Variants in PKD1L1 observed in about 807,000 individuals in gnomAD.
PKD1L1 encodes polycystin-1-like protein 1.
A neutral mutation model predicts 323.4 loss-of-function variants in PKD1L1; 236 were observed. That is an observed-to-expected ratio of 0.73 (90% CI 0.66 to 0.81). The LOEUF is 0.81. Ranked by LOEUF, PKD1L1 falls within the 40% of genes least tolerant of loss-of-function variation. PKD1L1 has a pLI of 0.00. For missense variants in PKD1L1, 3,320 were observed against 3,508.0 expected, an observed-to-expected ratio of 0.95 and a Z score of 1.35; for synonymous variants, 1,344 against 1,335.0, an observed-to-expected ratio of 1.01 and a Z score of -0.15.
At chr7:47,781,409 GTTT>G (rs60759497) in intron 56 of PKD1L1, among the ~76,000 whole-genome samples, 1 of 71,772 alleles carries the variant, frequency 1.4e-5, no homozygotes. Flanking sequence ...GTTTTGTTTT[GTTT>G]TTTTTTTTTT....
At chr7:47,951,910 G>A (rs1788210340), upstream of PKD1L1, among the ~76,000 whole-genome samples, 2 of 152,064 alleles carry the variant, frequency 1.3e-5, no homozygotes, top group South Asian at 4.2e-4. Context: ...ACCTCCAAAT[G>A]GAGCTTCCCG....
At position 47,817,230 on chromosome 7, in the gene PKD1L1, A is replaced by AAAACAAAC. The variant is rs566520119; in HGVS notation, c.6966-1781_6966-1774dup. 8.6e-4 allele frequency among the ~76,000 whole-genome samples: 131 copies of AAAACAAAC among 152,146 alleles called. 1 individual carries two copies. The highest frequency in any genetic ancestry group is 3.1e-3 in the African/African-American group (127 of 41,494). ...TCAGTGACAGAGTGAGACTTCATCT[A>AAAACAAAC]AAACAAACAAACAAACAAACAAAAA... On this transcript the variant is annotated intron_variant, in intron 46 of 56. Coordinates refer to ENST00000289672, the MANE Select transcript of PKD1L1 (RefSeq NM_138295.5).
intron 14 of PKD1L1, among the ~76,000 whole-genome samples, chr7:47,896,247 T>G (rs1254442151): frequency 6.8e-6 from 1 of 146,614 alleles, no homozygotes; most frequent in African/African-American, 2.6e-5. Context: ...AAGGATCACT[T>G]GAGCCCAGGA....
chr7:47,777,415 C>T (rs1198805100), intron 56 of PKD1L1, among the ~76,000 whole-genome samples: 1 of 152,152 alleles, frequency 6.6e-6, no homozygotes, highest in Non-Finnish European at 1.5e-5. Context: ...TATCCTGCAA[C>T]CAAGCAGGGT....
chr7:47,804,469 A>ATAT (rs1784733245), intron 52 of PKD1L1, among the ~76,000 whole-genome samples: 1 of 123,044 alleles, frequency 8.1e-6, no homozygotes, highest in Non-Finnish European at 1.6e-5. Context: ...TACATTTTTA[A>ATAT]TTTTTTTTTT....
chr7:47,958,341 A>G, the PKD1L1 span, among the ~76,000 whole-genome samples: 2 of 152,224 alleles, frequency 1.3e-5, no homozygotes, highest in Non-Finnish European at 2.9e-5. Flanking sequence ...TATTGAAAAG[A>G]AAGTACAGTC....
intron 42 of PKD1L1, 136 bp downstream of exon 42, chr7:47,831,081 G>A: frequency 1.6e-6 from 2 of 1,221,460 alleles, no homozygotes; most frequent in Non-Finnish European, 2.3e-6. Flanking sequence ...ATGGGAGGGA[G>A]AAATGAGGGA....
At chr7:47,805,275 T>A (rs1413491962) in intron 52 of PKD1L1, among the ~76,000 whole-genome samples, 1 of 152,266 alleles carries the variant, frequency 6.6e-6, no homozygotes, top group Non-Finnish European at 1.5e-5. Flanking sequence ...CATTTTCATT[T>A]TCACACACTC....
chr7:47,939,545 G>A (rs906152743), intron 3 of PKD1L1, among the ~76,000 whole-genome samples: 5 of 152,070 alleles, frequency 3.3e-5, no homozygotes, highest in Non-Finnish European at 7.4e-5. Context: ...CTCCTCTCAC[G>A]CTTCTCCTCC....
intron 11 of PKD1L1, 123 bp downstream of exon 11, chr7:47,905,034 G>C (rs1487350364): frequency 9.5e-7 from 1 of 1,053,022 alleles, no homozygotes; most frequent in Admixed American, 2.6e-5. Flanking sequence ...GAAGGACCTA[G>C]TGGCCCATTA....
Position 47,914,716 on chromosome 7 carries a change from C to T in PKD1L1, c.1228+716G>A, listed in dbSNP as rs150009857. Among the ~76,000 whole-genome samples, 10 of 152,254 alleles carry T rather than the reference C, an allele frequency of 6.6e-5. No individual in the cohort carries two copies. The East Asian group carries it at 1.9e-3, about 29-fold the overall frequency. On this transcript the variant is annotated intron_variant, in intron 8 of 56. Transcript: ENST00000289672. ...CCTCTCCATCTGTTTTCCTTTCTCT[C>T]CCCTTCCTCCCTCTCTTTCTCTCTC...
intron 22 of PKD1L1, among the ~76,000 whole-genome samples, chr7:47,876,842 C>T (rs1214934907): frequency 5.9e-5 from 9 of 152,164 alleles, no homozygotes; most frequent in Admixed American, 5.2e-4. Flanking sequence ...TGCAATGGCG[C>T]GATCTCGGCT....
At position 47,840,269 on chromosome 7, in the gene PKD1L1, C is replaced by T. The variant is rs533033819; in HGVS notation, c.5552+192G>A. 3.3e-5 allele frequency among the ~76,000 whole-genome samples: 5 copies of T among 152,234 alleles called. No individual in the cohort carries two copies. Among genetic ancestry groups the T allele is most frequent in the East Asian group, 1.9e-4 (1 of 5,184 alleles). ...CCCCACCCTCCTTCCTTCCTTGCCT[C>T]GCATAAACCTATTGTTTAATCTACT... On this transcript the variant is annotated intron_variant, in intron 35 of 56. Coordinates refer to ENST00000289672, the MANE Select transcript of PKD1L1 (RefSeq NM_138295.5). The surrounding 1 kb of genome is among the most constrained non-coding windows in gnomAD (Gnocchi z 4.1).
chr7:47,835,440 G>A (rs1033537335), intron 37 of PKD1L1, among the ~76,000 whole-genome samples, 197 bp from the exon 38 acceptor site: 5 of 151,956 alleles, frequency 3.3e-5, no homozygotes, highest in African/African-American at 1.2e-4. Context: ...TTTCTCTGTC[G>A]CCCAGCCTGG....
At position 47,800,799 on chromosome 7, in the gene PKD1L1, G is replaced by T. The variant is rs1435471954; in HGVS notation, c.8043C>A (p.Thr2681=). ...GCAGCCCGGGGAAGGCGTCTGTGAAGGTGCCAGGTGGTAGAACCCACATAG... is the reference window on the plus strand; with the variant it reads ...GCAGCCCGGGGAAGGCGTCTGTGAATGTGCCAGGTGGTAGAACCCACATAG... The part of the protein sequence containing the change: ...LLSMWVLPPG[T]FTDAFPGLLF... The change falls in exon 54 of 57, where the codon ACC becomes ACA. Residue 2681 remains threonine (T), a synonymous_variant. Transcript: ENST00000289672. 1.9e-6 allele frequency: 3 copies of T among 1,614,140 alleles called. No homozygotes were observed. Among genetic ancestry groups the T allele is most frequent in the African/African-American group, 1.3e-5 (1 of 75,004 alleles).
chr7:47,892,810 G>A (rs1786850034), intron 15 of PKD1L1, among the ~76,000 whole-genome samples: 2 of 152,066 alleles, frequency 1.3e-5, no homozygotes, highest in Non-Finnish European at 2.9e-5. Flanking sequence ...ACGGAGATGA[G>A]CCCAAGACCC....
At chr7:47,901,923 C>T (rs1417877525) in intron 13 of PKD1L1, among the ~76,000 whole-genome samples, 6 of 152,004 alleles carry the variant, frequency 3.9e-5, no homozygotes, top group African/African-American at 1.5e-4. Context: ...AGGTGTTCAA[C>T]AGATAACCGA....
the PKD1L1 span, among the ~76,000 whole-genome samples, chr7:47,954,536 C>T: frequency 2.0e-5 from 3 of 152,152 alleles, no homozygotes; most frequent in Non-Finnish European, 4.4e-5. Flanking sequence ...GGGGACAATA[C>T]AGCAAGGAGG....
chr7:47,955,874 C>T, the PKD1L1 span, among the ~76,000 whole-genome samples: 1 of 152,144 alleles, frequency 6.6e-6, no homozygotes, highest in African/African-American at 2.4e-5. Flanking sequence ...CAGCGTATTT[C>T]CAGTTATAAC....
Sources: gnomAD v4.1 joint callset for allele counts (sites outside exome capture counted in the v4.1 genomes callset) on GRCh38, gnomAD v4.1.1 for gene constraint, Gnocchi (gnomAD v3.1) non-coding constraint, MANE v1.5 for transcripts, NCBI Gene and HGNC (gene_info 2026-07-23, HGNC 2026-07-21) for gene names.